MACROD2: variants seen among roughly 807,000 people sequenced by gnomAD.
The protein encoded by MACROD2 is mono-ADP ribosylhydrolase 2, also known as ADP-ribose glycohydrolase MACROD2.
A neutral mutation model predicts 70.4 loss-of-function variants in MACROD2; 36 were observed. That is an observed-to-expected ratio of 0.51 (90% CI 0.39 to 0.68). MACROD2 has a LOEUF of 0.68. Ranked by LOEUF, MACROD2 falls within the 30% of genes least tolerant of loss-of-function variation. MACROD2 has a pLI of 0.00. For synonymous variants in MACROD2, 172 were observed against 178.8 expected (o/e 0.96, Z 0.30); for missense variants, 496 against 538.4 (o/e 0.92, Z 0.78).
At chr20:15,338,256 G>A (rs976889196) in intron 6 of MACROD2, among the ~76,000 whole-genome samples, 1 of 151,372 alleles carries the variant, frequency 6.6e-6, no homozygotes, top group Non-Finnish European at 1.5e-5. Flanking sequence ...TTAAATACAC[G>A]CTCTTATTTT....
chr20:14,731,314 A>G (rs1445417720), intron 5 of MACROD2, among the ~76,000 whole-genome samples: 4 of 152,072 alleles, frequency 2.6e-5, no homozygotes, highest in Non-Finnish European at 2.9e-5. Flanking sequence ...AACACATCAT[A>G]TTTGTCCTCA....
rs540572536 is a variant in MACROD2, at chr20:15,972,694, C to T, written c.985+5064C>T. ...GCACGGTGGTGGGCACCTGTAATCC[C>T]AGCTACTTGGGAGGCTGAGTCAGGA... On this transcript the variant is annotated intron_variant, in intron 13 of 17. Transcript: ENST00000684519. Among the ~76,000 whole-genome samples the T allele has an allele frequency of 2.0e-5, 3 of 152,102 alleles. No individual in the cohort carries two copies. The South Asian group carries it at 6.2e-4, about 32-fold the overall frequency.
chr20:14,955,239 T>C (rs2074524100), intron 5 of MACROD2, among the ~76,000 whole-genome samples: 1 of 138,486 alleles, frequency 7.2e-6, no homozygotes, highest in Non-Finnish European at 1.5e-5. Context: ...ATAATTTTTA[T>C]TATATATAAT....
chr20:15,720,091 C>T (rs2050766667), intron 8 of MACROD2, among the ~76,000 whole-genome samples: 1 of 152,150 alleles, frequency 6.6e-6, no homozygotes, highest in African/African-American at 2.4e-5. Context: ...AATGTAATAT[C>T]CTCAAGCCTC....
At chr20:15,485,705 C>CTT (rs1459113418) in intron 7 of MACROD2, among the ~76,000 whole-genome samples, 2 of 152,168 alleles carry the variant, frequency 1.3e-5, no homozygotes, top group East Asian at 3.9e-4. Context: ...TCGTCAAACA[C>CTT]TTGCTATACC....
intron 7 of MACROD2, among the ~76,000 whole-genome samples, chr20:15,493,947 T>C (rs1701569813): frequency 6.6e-6 from 1 of 152,248 alleles, no homozygotes; most frequent in South Asian, 2.1e-4. Flanking sequence ...TAAATTCAAC[T>C]TGCTGTTTCA....
intron 7 of MACROD2, among the ~76,000 whole-genome samples, chr20:15,483,412 T>G (rs1199781047): frequency 6.6e-6 from 1 of 152,186 alleles, no homozygotes; most frequent in Non-Finnish European, 1.5e-5. Context: ...CATTGATCTA[T>G]TTCTCCATCC....
chr20:15,388,435 T>C (rs578108565), intron 6 of MACROD2, among the ~76,000 whole-genome samples: 1 of 152,292 alleles, frequency 6.6e-6, no homozygotes, highest in Admixed American at 6.5e-5. Flanking sequence ...AGTGCTTCTT[T>C]ACAGTAGTGG....
rs1177121946 is a variant in MACROD2, at chr20:14,991,213, A to T, written c.419-238727A>T. The stretch of plus-strand genomic sequence containing the variant: ...AGTGCAAACACCAAGTGAAAAAAAA[A>T]ATCTCACGTTGCCCCATTTCCCAAC... On this transcript the variant is annotated intron_variant, in intron 5 of 17. Transcript: ENST00000684519. 2.0e-5 allele frequency among the ~76,000 whole-genome samples: 3 copies of T among 152,082 alleles called. No individual in the cohort carries two copies. In the East Asian group the frequency reaches 5.8e-4, roughly 29 times the overall value.
At chr20:15,644,587 A>G (rs551339084) in intron 8 of MACROD2, among the ~76,000 whole-genome samples, 2 of 152,286 alleles carry the variant, frequency 1.3e-5, no homozygotes, top group South Asian at 2.1e-4. Context: ...TTTTATTTTT[A>G]TAAGAATTAG....
chr20:15,018,660 T>C (rs539029281), intron 5 of MACROD2, among the ~76,000 whole-genome samples: 11 of 152,134 alleles, frequency 7.2e-5, no homozygotes, highest in Non-Finnish European at 1.6e-4. Flanking sequence ...GTGTATATCC[T>C]AAAGGGCTAG....
At chr20:14,187,521 T>C (rs371176115) in intron 3 of MACROD2, among the ~76,000 whole-genome samples, 1 of 152,226 alleles carries the variant, frequency 6.6e-6, no homozygotes. Flanking sequence ...ACAGATACTA[T>C]ATCAGACTAT....
chr20:14,589,310 T>C (rs1411572924), intron 4 of MACROD2, among the ~76,000 whole-genome samples: 5 of 152,194 alleles, frequency 3.3e-5, no homozygotes, highest in Admixed American at 3.3e-4. Context: ...TTCTCCTTTT[T>C]TCTATCTGTT....
chr20:15,664,236 A>T (rs2049864877), intron 8 of MACROD2, among the ~76,000 whole-genome samples: 2 of 152,158 alleles, frequency 1.3e-5, no homozygotes, highest in South Asian at 4.1e-4. Context: ...AATAGGGGGG[A>T]TGGAAAGCAA....
chr20:14,686,017 A>C (rs2070997799), intron 5 of MACROD2, among the ~76,000 whole-genome samples: 1 of 152,192 alleles, frequency 6.6e-6, no homozygotes, highest in African/African-American at 2.4e-5. Flanking sequence ...AGCAAATAGT[A>C]ATATATTAAA....
At chr20:15,260,812 G>T (rs370550020) in intron 6 of MACROD2, among the ~76,000 whole-genome samples, 21 of 151,994 alleles carry the variant, frequency 1.4e-4, no homozygotes, top group African/African-American at 5.1e-4. Context: ...ATCTCTTTCT[G>T]CTGTTAATAA....
At chr20:15,227,833 T>TG (rs1555794549) in intron 5 of MACROD2, among the ~76,000 whole-genome samples, 1 of 97,394 alleles carries the variant, frequency 1.0e-5, no homozygotes, top group Admixed American at 1.0e-4. Context: ...GTTTTTTTTT[T>TG]TTTTTTTTTT....
At chr20:16,032,885 G>C (rs530839245) in intron 15 of MACROD2, among the ~76,000 whole-genome samples, 1 of 152,032 alleles carries the variant, frequency 6.6e-6, no homozygotes, top group South Asian at 2.1e-4. Flanking sequence ...GACAGGAGAG[G>C]AGGGGAAGAC....
At chr20:15,143,131 G>A (rs2076204758) in intron 5 of MACROD2, among the ~76,000 whole-genome samples, 1 of 152,168 alleles carries the variant, frequency 6.6e-6, no homozygotes, top group Non-Finnish European at 1.5e-5. Flanking sequence ...CCCACCAACA[G>A]TGTAAAAGTG....
Sources: gnomAD v4.1 joint callset for allele counts (sites outside exome capture counted in the v4.1 genomes callset) on GRCh38, gnomAD v4.1.1 for gene constraint, MANE v1.5 for transcripts, NCBI Gene and HGNC (gene_info 2026-07-23, HGNC 2026-07-21) for gene names.